Variants in SLC24A2 observed in about 807,000 individuals in gnomAD.
SLC24A2 encodes the protein sodium/potassium/calcium exchanger 2.
In SLC24A2, 36 loss-of-function variants were observed where a neutral mutation model predicts 62.0. The ratio of observed to expected loss-of-function variants is 0.58; its 90% CI spans 0.44 to 0.77. The LOEUF is 0.77. Among genes scored for constraint, SLC24A2 ranks in the 30% least tolerant of loss-of-function variants. SLC24A2 has a pLI of 0.00. For synonymous variants in SLC24A2, 358 were observed against 294.0 expected (o/e 1.22, Z -2.23); for missense variants, 846 against 817.9 (o/e 1.03, Z -0.42).
At chr9:20,169,153 T>G in the SLC24A2 span, among the ~76,000 whole-genome samples, 4 of 151,956 alleles carry the variant, frequency 2.6e-5, no homozygotes, top group African/African-American at 9.7e-5. Context: ...ATAGGCAAAT[T>G]CATAGATAGA....
chr9:20,175,288 C>T, the SLC24A2 span, among the ~76,000 whole-genome samples: 2 of 151,820 alleles, frequency 1.3e-5, no homozygotes, highest in Non-Finnish European at 2.9e-5. Context: ...GCAGTGTACA[C>T]TGCTCAGATG....
the SLC24A2 span, among the ~76,000 whole-genome samples, chr9:19,921,980 T>G: frequency 6.6e-6 from 1 of 152,184 alleles, no homozygotes; most frequent in Middle Eastern, 3.2e-3. Flanking sequence ...TGACGCTCCT[T>G]CCCAAGAATC....
intron 7 of SLC24A2, among the ~76,000 whole-genome samples, chr9:19,560,656 G>A (rs1355221953): frequency 6.6e-6 from 1 of 152,168 alleles, no homozygotes; most frequent in South Asian, 2.1e-4. Context: ...AAGCCACCAA[G>A]TCTCTGGTAT....
chr9:20,198,171 G>C, the SLC24A2 span, among the ~76,000 whole-genome samples: 1 of 152,178 alleles, frequency 6.6e-6, no homozygotes, highest in Non-Finnish European at 1.5e-5. Context: ...CAGATGATGA[G>C]GTCATCAGCA....
chr9:19,986,319 G>C, the SLC24A2 span, among the ~76,000 whole-genome samples: 1 of 152,130 alleles, frequency 6.6e-6, no homozygotes, highest in Non-Finnish European at 1.5e-5. Context: ...TACATTGCTG[G>C]TGGGAATAAT....
chr9:19,972,956 T>A, the SLC24A2 span, among the ~76,000 whole-genome samples: 1 of 152,132 alleles, frequency 6.6e-6, no homozygotes, highest in Admixed American at 6.6e-5. Flanking sequence ...GATGTTAAGC[T>A]CATCTTTTGG....
the SLC24A2 span, among the ~76,000 whole-genome samples, chr9:20,069,049 T>G: frequency 8.3e-6 from 1 of 120,588 alleles, no homozygotes. Context: ...CTCCCAAAAC[T>G]ACTCTTGTTT....
At chr9:20,134,407 G>A in the SLC24A2 span, among the ~76,000 whole-genome samples, 1 of 152,094 alleles carries the variant, frequency 6.6e-6, no homozygotes, top group South Asian at 2.1e-4. Context: ...GAGAAGGGAG[G>A]AAAGGAGACC....
intron 2 of SLC24A2, among the ~76,000 whole-genome samples, chr9:19,733,248 G>C (rs564579052): frequency 1.3e-5 from 2 of 152,114 alleles, no homozygotes; most frequent in East Asian, 3.9e-4. Flanking sequence ...GGAACAATTC[G>C]GTATACCTGT....
the SLC24A2 span, among the ~76,000 whole-genome samples, chr9:20,261,679 T>C: frequency 6.6e-6 from 1 of 151,768 alleles, no homozygotes; most frequent in Non-Finnish European, 1.5e-5. Context: ...TTTACTATCT[T>C]CTACTGGTAA....
intron 2 of SLC24A2, among the ~76,000 whole-genome samples, chr9:19,706,526 C>T (rs377059657): frequency 0.12 from 18,154 of 151,856 alleles, 1,544 homozygotes; most frequent in African/African-American, 0.24. Context: ...ACTACAGGCA[C>T]GCGCCACCAT....
the SLC24A2 span, among the ~76,000 whole-genome samples, chr9:20,024,454 A>T: frequency 6.6e-6 from 1 of 152,230 alleles, no homozygotes; most frequent in Non-Finnish European, 1.5e-5. Context: ...TTTGGCCTTC[A>T]GCAAGTAGGT....
At chr9:19,747,835 G>C (rs892502021) in intron 2 of SLC24A2, among the ~76,000 whole-genome samples, 1 of 152,096 alleles carries the variant, frequency 6.6e-6, no homozygotes, top group Non-Finnish European at 1.5e-5. Context: ...GAGCTGCTCT[G>C]GGTCAATCCA....
the SLC24A2 span, among the ~76,000 whole-genome samples, chr9:20,052,221 G>A: frequency 6.6e-6 from 1 of 152,072 alleles, no homozygotes; most frequent in African/African-American, 2.4e-5. Context: ...TCTCATCTCA[G>A]TAAACAGCAT....
At chr9:19,860,621 T>C in the SLC24A2 span, among the ~76,000 whole-genome samples, 5 of 152,236 alleles carry the variant, frequency 3.3e-5, no homozygotes, top group East Asian at 7.8e-4. Context: ...TACAGGGCGA[T>C]AGAGCACCAA....
chr9:20,266,693 G>C, the SLC24A2 span, among the ~76,000 whole-genome samples: 2 of 152,136 alleles, frequency 1.3e-5, no homozygotes, highest in Non-Finnish European at 2.9e-5. Flanking sequence ...AATTAGTCTA[G>C]GTTCTACATA....
the SLC24A2 span, among the ~76,000 whole-genome samples, chr9:20,059,048 T>C: frequency 2.6e-5 from 4 of 152,226 alleles, no homozygotes; most frequent in Non-Finnish European, 5.9e-5. Context: ...ATATAGTTAA[T>C]ATGAGAGGCT....
At chr9:20,094,550 G>T in the SLC24A2 span, among the ~76,000 whole-genome samples, 1 of 152,096 alleles carries the variant, frequency 6.6e-6, no homozygotes, top group East Asian at 1.9e-4. Context: ...ATATTAACAA[G>T]TGTGATTTTA....
the SLC24A2 span, among the ~76,000 whole-genome samples, chr9:19,960,456 T>G: frequency 6.6e-6 from 1 of 152,118 alleles, no homozygotes; most frequent in Admixed American, 6.6e-5. Flanking sequence ...GCAATAAAAT[T>G]AGTAGGAAGA....
Sources: gnomAD v4.1 joint callset for allele counts (sites outside exome capture counted in the v4.1 genomes callset) on GRCh38, gnomAD v4.1.1 for gene constraint, MANE v1.5 for transcripts, NCBI Gene and HGNC (gene_info 2026-07-23, HGNC 2026-07-21) for gene names.